VRK1: variants seen among roughly 807,000 people sequenced by gnomAD.
VRK1 encodes the protein VRK serine/threonine kinase 1, also known as serine/threonine-protein kinase VRK1.
VRK1 carries 33 observed loss-of-function variants against 57.1 expected under a neutral mutation model. The ratio of observed to expected loss-of-function variants is 0.58; its 90% CI spans 0.44 to 0.77. VRK1 has a LOEUF of 0.77. VRK1 is among the 30% of genes least tolerant of loss of function. The pLI is 0.00. For synonymous variants in VRK1, 137 were observed against 147.8 expected, an observed-to-expected ratio of 0.93 and a Z score of 0.53; for missense variants, 413 against 477.3, an observed-to-expected ratio of 0.87 and a Z score of 1.25.
At chr14:96,813,198 A>AC in intron 1 of VRK1, among the ~76,000 whole-genome samples, 1 of 152,352 alleles carries the variant, frequency 6.6e-6, no homozygotes, top group South Asian at 2.1e-4. Context: ...TGAATTGTGA[A>AC]CAAGGGTGTG....
chr14:96,864,172 T>C (rs1888494069), intron 11 of VRK1, among the ~76,000 whole-genome samples: 1 of 152,240 alleles, frequency 6.6e-6, no homozygotes, highest in Non-Finnish European at 1.5e-5. Context: ...AGGTCTGTTA[T>C]TGAATTCTTT....
At chr14:96,875,734 C>A (rs943675607) in intron 11 of VRK1, among the ~76,000 whole-genome samples, 16 of 152,100 alleles carry the variant, frequency 1.1e-4, no homozygotes, top group Non-Finnish European at 1.0e-4. Context: ...GATGGTTAAA[C>A]CATAGCTTTG....
At chr14:96,830,358 C>T (rs1238786681) in intron 1 of VRK1, among the ~76,000 whole-genome samples, 3 of 151,934 alleles carry the variant, frequency 2.0e-5, no homozygotes, top group Non-Finnish European at 4.4e-5. Context: ...TTTTCTTAAA[C>T]ATTTTTTGGT....
chr14:96,834,534 T>C (rs1234218860), intron 2 of VRK1, among the ~76,000 whole-genome samples: 1 of 152,144 alleles, frequency 6.6e-6, no homozygotes, highest in East Asian at 1.9e-4. Flanking sequence ...GAACCACTGG[T>C]TGGTAAAAGA....
chr14:96,844,888 TATA>T (rs1160287323), intron 3 of VRK1, among the ~76,000 whole-genome samples: 1 of 152,202 alleles, frequency 6.6e-6, no homozygotes, highest in Non-Finnish European at 1.5e-5. Flanking sequence ...TTTTCTGAAT[TATA>T]AGAAATCTGA....
intron 1 of VRK1, among the ~76,000 whole-genome samples, chr14:96,807,931 C>T (rs367599703): frequency 1.3e-5 from 2 of 151,966 alleles, no homozygotes; most frequent in Non-Finnish European, 2.9e-5. Flanking sequence ...CTCTCTGTCT[C>T]TCTCTTTCTC....
At chr14:96,843,757 A>G (rs1018731147) in intron 3 of VRK1, among the ~76,000 whole-genome samples, 2 of 152,118 alleles carry the variant, frequency 1.3e-5, no homozygotes, top group Non-Finnish European at 2.9e-5. Context: ...GAGTTAAGGT[A>G]TTTTCTTCAA....
chr14:96,828,442 G>C (rs1487539588), intron 1 of VRK1, among the ~76,000 whole-genome samples: 3 of 152,112 alleles, frequency 2.0e-5, no homozygotes, highest in Non-Finnish European at 4.4e-5. Flanking sequence ...TTAGATTGTG[G>C]TAAAGGAAGA....
At chr14:96,880,484 G>A (rs1381708809) in intron 12 of VRK1, among the ~76,000 whole-genome samples, 1 of 152,188 alleles carries the variant, frequency 6.6e-6, no homozygotes, top group East Asian at 1.9e-4. Context: ...ACCCAGAGGT[G>A]GAGTAGGAGT....
intron 1 of VRK1, among the ~76,000 whole-genome samples, chr14:96,819,468 T>C (rs931379833): frequency 3.3e-5 from 5 of 152,198 alleles, no homozygotes; most frequent in African/African-American, 1.2e-4. Flanking sequence ...ATAAAGATGC[T>C]GGGGCTGTTG....
chr14:96,814,966 G>A (rs1351571660), intron 1 of VRK1, among the ~76,000 whole-genome samples: 1 of 152,130 alleles, frequency 6.6e-6, no homozygotes. Context: ...GTCTTTTATT[G>A]TATATAATGC....
At chr14:96,842,788 G>A (rs1887517567) in intron 3 of VRK1, among the ~76,000 whole-genome samples, 1 of 152,174 alleles carries the variant, frequency 6.6e-6, no homozygotes, top group Non-Finnish European at 1.5e-5. Context: ...CATCAAGATT[G>A]AGAGCCACTG....
intron 7 of VRK1, among the ~76,000 whole-genome samples, chr14:96,853,689 C>T (rs1888038915): frequency 6.6e-6 from 1 of 151,772 alleles, no homozygotes; most frequent in African/African-American, 2.4e-5. Context: ...GTAATTTTTA[C>T]TTTCTAAGGA....
intron 4 of VRK1, 79 bp downstream of exon 4, chr14:96,846,243 A>G (rs1299292523): frequency 3.8e-6 from 5 of 1,321,024 alleles, no homozygotes; most frequent in Non-Finnish European, 5.4e-6. Flanking sequence ...AGAGCATTGT[A>G]TCTTATTTTA....
At chr14:96,866,936 T>A (rs1034939874) in intron 11 of VRK1, among the ~76,000 whole-genome samples, 3 of 152,212 alleles carry the variant, frequency 2.0e-5, no homozygotes, top group Non-Finnish European at 2.9e-5. Context: ...TTTTAACACA[T>A]TTTAATTTGT....
rs138514100 is a variant in VRK1 at position 96,811,222 on chromosome 14, C to T, written c.-6+13775C>T. Among the ~76,000 whole-genome samples the T allele has an allele frequency of 2.9e-3, 445 of 152,272 alleles. 1 individual carries two copies. Among genetic ancestry groups the T allele is most frequent in the Non-Finnish European group, 5.7e-3 (385 of 68,014 alleles). On this transcript the variant is annotated intron_variant, in intron 1 of 12. Transcript: ENST00000216639. ...CAGGGATTACAGGTGTGAGCCACCG[C>T]GCCCAGCCTCTGATCTTACTAATAT...
At chr14:96,840,410 G>C (rs1887409389) in intron 3 of VRK1, among the ~76,000 whole-genome samples, 2 of 152,136 alleles carry the variant, frequency 1.3e-5, no homozygotes, top group African/African-American at 4.8e-5. Flanking sequence ...TTCAAGTTGT[G>C]TCAAAGTGCT....
chr14:96,875,516 T>C (rs1888991827), intron 11 of VRK1, among the ~76,000 whole-genome samples: 1 of 152,212 alleles, frequency 6.6e-6, no homozygotes, highest in Non-Finnish European at 1.5e-5. Context: ...TCATTATTGA[T>C]TCATAAATAG....
chr14:96,832,784 C>T (rs970877200), intron 1 of VRK1, among the ~76,000 whole-genome samples: 2 of 149,592 alleles, frequency 1.3e-5, no homozygotes, highest in Non-Finnish European at 2.9e-5. Context: ...ACAGTTTTTC[C>T]TGTCACTCTT....
Sources: gnomAD v4.1 joint callset for allele counts (sites outside exome capture counted in the v4.1 genomes callset) on GRCh38, gnomAD v4.1.1 for gene constraint, MANE v1.5 for transcripts, NCBI Gene and HGNC (gene_info 2026-07-23, HGNC 2026-07-21) for gene names.